The following TCF12 variants were observed in gnomAD, a reference collection of about 807,000 sequenced individuals.
TCF12 encodes transcription factor 12.
TCF12 carries 45 observed loss-of-function variants against 86.0 expected under a neutral mutation model. The observed-to-expected ratio is 0.52, with a 90% CI of 0.41 to 0.67. The LOEUF is 0.67. Among genes scored for constraint, TCF12 ranks in the 30% least tolerant of loss-of-function variants. The probability of loss-of-function intolerance (pLI) is 0.00; values close to 1 mark genes in which losing one functional copy is unlikely to be tolerated. For synonymous variants in TCF12, 330 were observed against 299.6 expected (o/e 1.10, Z -1.05); for missense variants, 881 against 859.9 (o/e 1.02, Z -0.31).
At chr15:57,118,950 T>C (rs2051028351) in intron 5 of TCF12, among the ~76,000 whole-genome samples, 1 of 152,204 alleles carries the variant, frequency 6.6e-6, no homozygotes, top group Non-Finnish European at 1.5e-5. Context: ...TTTTTCCTTT[T>C]TTTTCCCCCA....
chr15:57,113,224 G>T (rs1596590605), intron 5 of TCF12, among the ~76,000 whole-genome samples: 2 of 152,240 alleles, frequency 1.3e-5, no homozygotes, highest in East Asian at 3.9e-4. Flanking sequence ...TTTCCTAGAT[G>T]ACACTGAATT....
intron 8 of TCF12, among the ~76,000 whole-genome samples, chr15:57,207,160 G>C (rs1182357459): frequency 1.3e-5 from 2 of 152,032 alleles, no homozygotes; most frequent in African/African-American, 4.8e-5. Context: ...CTGGCAGCTT[G>C]GGAATCGGTT....
chr15:57,075,848 T>C (rs1212635428), intron 4 of TCF12, among the ~76,000 whole-genome samples: 1 of 104,692 alleles, frequency 9.6e-6, no homozygotes, highest in East Asian at 3.6e-4. Context: ...TCTTTCTTTC[T>C]TTCTTTCTTT....
At chr15:56,941,000 G>T (rs2060744898) in intron 3 of TCF12, among the ~76,000 whole-genome samples, 1 of 148,736 alleles carries the variant, frequency 6.7e-6, no homozygotes, top group African/African-American at 2.5e-5. Flanking sequence ...ACCTCAAGCA[G>T]TCTTCTCACC....
In TCF12 at chr15:57,145,067, G is replaced by A. The variant is rs75754267; in HGVS notation, c.326-21335G>A. On this transcript the variant is annotated intron_variant, in intron 5 of 20. Transcript: ENST00000333725. ...TTGTAGAAAATCAAAATATGGATGA[G>A]CCAAAAGAAAATAAGAACATCCCTT... 3.7e-3 allele frequency among the ~76,000 whole-genome samples: 563 copies of A among 152,230 alleles called. 2 individuals carry two copies. The highest frequency in any genetic ancestry group is 0.013 in the African/African-American group (544 of 41,538).
intron 3 of TCF12, among the ~76,000 whole-genome samples, chr15:57,047,769 A>C (rs1039446059): frequency 1.3e-5 from 2 of 152,236 alleles, no homozygotes; most frequent in African/African-American, 4.8e-5. Context: ...GTGTCACTTA[A>C]TAACGGCCAT....
chr15:57,060,979 G>C (rs778975586), intron 3 of TCF12, among the ~76,000 whole-genome samples: 6 of 152,124 alleles, frequency 3.9e-5, no homozygotes, highest in Non-Finnish European at 8.8e-5. Flanking sequence ...TCAGAGTCTG[G>C]ATATGTTAAC....
intron 3 of TCF12, among the ~76,000 whole-genome samples, chr15:56,960,013 G>GTTAAAAAACCGCAGTTA (rs1412187736): frequency 1.3e-5 from 2 of 151,934 alleles, no homozygotes; most frequent in East Asian, 3.9e-4. Flanking sequence ...GCCTTTTTTA[G>GTTAAAAAACCGCAGTTA]TTAAAAAACC....
At chr15:57,196,010 A>G (rs188854418) in intron 7 of TCF12, among the ~76,000 whole-genome samples, 1 of 152,278 alleles carries the variant, frequency 6.6e-6, no homozygotes, top group Non-Finnish European at 1.5e-5. Context: ...TCTCTGAAAA[A>G]TAAATGGGTT....
intron 3 of TCF12, among the ~76,000 whole-genome samples, chr15:57,030,328 TC>T (rs1266487647): frequency 2.0e-5 from 3 of 152,152 alleles, no homozygotes; most frequent in Non-Finnish European, 2.9e-5. Flanking sequence ...AGCCTGAAAC[TC>T]CTGAGCTCAA....
intron 18 of TCF12, among the ~76,000 whole-genome samples, chr15:57,269,080 G>T (rs897893064): frequency 6.6e-5 from 10 of 152,092 alleles, no homozygotes; most frequent in African/African-American, 2.4e-4. Flanking sequence ...GGATATCCTT[G>T]TTAATTTTCT....
chr15:57,232,266 T>C, intron 9 of TCF12, 25 bp from the exon 10 acceptor site: 3 of 1,612,042 alleles, frequency 1.9e-6, no homozygotes, highest in Middle Eastern at 1.7e-4. Flanking sequence ...CTAAGGAAAA[T>C]TTTATATTTC....
intron 3 of TCF12, among the ~76,000 whole-genome samples, chr15:56,987,902 A>T (rs1218466895): frequency 6.6e-6 from 1 of 152,218 alleles, no homozygotes; most frequent in Non-Finnish European, 1.5e-5. Flanking sequence ...TTTGCTTCAG[A>T]ACACAGTAAA....
chr15:57,213,610 G>C (rs147949109), intron 8 of TCF12, among the ~76,000 whole-genome samples: 11 of 152,180 alleles, frequency 7.2e-5, no homozygotes, highest in Non-Finnish European at 1.3e-4. Flanking sequence ...ATTTAAAATA[G>C]AATAGAATAT....
intron 3 of TCF12, among the ~76,000 whole-genome samples, chr15:57,015,173 G>A (rs200795885): frequency 1.3e-5 from 2 of 151,956 alleles, no homozygotes; most frequent in African/African-American, 4.8e-5. Flanking sequence ...TTGTAATTCT[G>A]GCTACTCAGG....
chr15:57,199,723 A>G (rs1194023292), intron 8 of TCF12, among the ~76,000 whole-genome samples: 1 of 152,224 alleles, frequency 6.6e-6, no homozygotes, highest in Middle Eastern at 3.2e-3. Flanking sequence ...GAGAACCATT[A>G]GGAAATTTTG....
chr15:56,971,099 G>A (rs1376615543), intron 3 of TCF12, among the ~76,000 whole-genome samples: 1 of 152,004 alleles, frequency 6.6e-6, no homozygotes, highest in Non-Finnish European at 1.5e-5. Context: ...ACAGAAATAA[G>A]GGCTATCCTT....
At chr15:56,952,191 C>CACAA (rs770421693) in intron 3 of TCF12, among the ~76,000 whole-genome samples, 5 of 121,776 alleles carry the variant, frequency 4.1e-5, no homozygotes, top group African/African-American at 2.2e-4. Flanking sequence ...TGTGTATATA[C>CACAA]ACACACACAC....
chr15:57,007,405 TG>T (rs1258216019), intron 3 of TCF12, among the ~76,000 whole-genome samples: 1 of 152,226 alleles, frequency 6.6e-6, no homozygotes, highest in African/African-American at 2.4e-5. Flanking sequence ...ACGTGTATTC[TG>T]TTTGAGGAGG....
Sources: gnomAD v4.1 joint callset for allele counts (sites outside exome capture counted in the v4.1 genomes callset) on GRCh38, gnomAD v4.1.1 for gene constraint, MANE v1.5 for transcripts, NCBI Gene and HGNC (gene_info 2026-07-23, HGNC 2026-07-21) for gene names.